NR3C2: variants seen among roughly 807,000 people sequenced by gnomAD.
The protein encoded by NR3C2 is nuclear receptor subfamily 3 group C member 2.
Under a neutral mutation model 86.4 loss-of-function variants are expected in NR3C2, and 15 were observed. That is an observed-to-expected ratio of 0.17 (90% confidence interval 0.12 to 0.27). The LOEUF is 0.27. Among genes scored for constraint, NR3C2 ranks in the 10% least tolerant of loss-of-function variants. NR3C2 has a pLI of 1.00. For missense variants in NR3C2, 960 were observed against 1,195.6 expected (o/e 0.80, Z 2.91); for synonymous variants, 458 against 450.5 (o/e 1.02, Z -0.21).
intron 2 of NR3C2, among the ~76,000 whole-genome samples, chr4:148,410,032 CATG>C (rs1469055556): frequency 2.0e-5 from 3 of 152,008 alleles, no homozygotes; most frequent in African/African-American, 4.8e-5. Context: ...TACCATTATA[CATG>C]ATGTTTTCTA....
intron 8 of NR3C2, among the ~76,000 whole-genome samples, chr4:148,089,347 C>G (rs1342682812): frequency 6.6e-6 from 1 of 152,226 alleles, no homozygotes; most frequent in Non-Finnish European, 1.5e-5. Flanking sequence ...CACACACATG[C>G]TATGCCGCAG....
At chr4:148,325,887 A>T (rs1213886299) in intron 2 of NR3C2, among the ~76,000 whole-genome samples, 2 of 152,204 alleles carry the variant, frequency 1.3e-5, no homozygotes, top group African/African-American at 2.4e-5. Context: ...ATACACACAG[A>T]CGTGTGCTAG....
At chr4:148,277,934 C>T (rs529352892) in intron 2 of NR3C2, among the ~76,000 whole-genome samples, 12 of 152,166 alleles carry the variant, frequency 7.9e-5, no homozygotes, top group South Asian at 2.1e-4. Flanking sequence ...ATGTGAGTCA[C>T]GAAATGAATT....
In NR3C2 at chr4:148,436,623, G is replaced by A; in HGVS notation, c.238C>T (p.Arg80Trp). The change falls in exon 2 of 9, where the codon CGG becomes TGG. Residue 80 changes from arginine to tryptophan, a missense_variant. Physicochemically the swap from Arg to Trp is moderately radical, Grantham distance 101. Transcript: ENST00000358102. ...LLPCLQQDNN[R>W]PGILTSDIKT... ...ATATCAGATGTTAAAATCCCAGGCC[G>A]ATTATTGTCTTGCTGAAGGCAAGGG... The A allele has an allele frequency of 1.9e-6, 3 of 1,614,132 alleles. No homozygotes were observed. The highest frequency in any genetic ancestry group is 2.2e-5 in the South Asian group (2 of 91,070).
chr4:148,140,450 C>T (rs1733555229), intron 6 of NR3C2, among the ~76,000 whole-genome samples: 1 of 152,164 alleles, frequency 6.6e-6, no homozygotes, highest in Non-Finnish European at 1.5e-5. Context: ...AGGAGGATTG[C>T]CTGAGCCCAG....
chr4:148,162,776 C>T (rs1734721300), intron 4 of NR3C2, among the ~76,000 whole-genome samples: 1 of 152,112 alleles, frequency 6.6e-6, no homozygotes, highest in Admixed American at 6.5e-5. Context: ...TGCCTCCCTG[C>T]CAGGGTGGGT....
chr4:148,204,600 C>A (rs193035286), intron 3 of NR3C2, among the ~76,000 whole-genome samples: 1 of 152,256 alleles, frequency 6.6e-6, no homozygotes, highest in Admixed American at 6.5e-5. Flanking sequence ...TTCATTACAG[C>A]ACTTACTCTG....
chr4:148,104,523 A>G (rs1229960832), intron 8 of NR3C2, among the ~76,000 whole-genome samples: 1 of 152,088 alleles, frequency 6.6e-6, no homozygotes, highest in Non-Finnish European at 1.5e-5. Flanking sequence ...CAATTATAAT[A>G]AATAGTTTAG....
At chr4:148,417,094 G>A (rs1028000733) in intron 2 of NR3C2, among the ~76,000 whole-genome samples, 1 of 152,012 alleles carries the variant, frequency 6.6e-6, no homozygotes, top group Non-Finnish European at 1.5e-5. Flanking sequence ...GTTTTTCTAT[G>A]AGCTGCCTGT....
At chr4:148,194,238 A>G (rs1403605212) in intron 4 of NR3C2, among the ~76,000 whole-genome samples, 2 of 152,146 alleles carry the variant, frequency 1.3e-5, no homozygotes, top group Non-Finnish European at 2.9e-5. Context: ...CTTCCTATCC[A>G]TGGATGTTGT....
intron 2 of NR3C2, among the ~76,000 whole-genome samples, chr4:148,265,735 G>A (rs1243330967): frequency 6.6e-6 from 1 of 152,032 alleles, no homozygotes; most frequent in Non-Finnish European, 1.5e-5. Flanking sequence ...ACCTATCTTA[G>A]AGCACAGCGA....
rs72646903 is a variant in NR3C2 at position 148,440,785 on chromosome 4, A to C, written c.-3+1375T>G. ...GTTAAATTGCCCTTTTCCATAAAGAAGTACTTTTTTCGGGAATATTAACAA... is the reference window on the plus strand; with the variant it reads ...GTTAAATTGCCCTTTTCCATAAAGACGTACTTTTTTCGGGAATATTAACAA... On this transcript the variant is annotated intron_variant, in intron 1 of 8. Coordinates refer to ENST00000358102, the MANE Select transcript of NR3C2 (RefSeq NM_000901.5). Among the ~76,000 whole-genome samples the C allele has an allele frequency of 2.8e-3, 432 of 152,354 alleles. 3 individuals carry two copies. Among genetic ancestry groups the C allele is most frequent in the African/African-American group, 9.8e-3 (409 of 41,592 alleles).
At chr4:148,432,698 T>C (rs1749848818) in intron 2 of NR3C2, among the ~76,000 whole-genome samples, 1 of 152,172 alleles carries the variant, frequency 6.6e-6, no homozygotes, top group Non-Finnish European at 1.5e-5. Flanking sequence ...ATCATCATAT[T>C]TTAAGAAATA....
At chr4:148,221,315 T>C (rs1737828316) in intron 3 of NR3C2, among the ~76,000 whole-genome samples, 2 of 152,234 alleles carry the variant, frequency 1.3e-5, no homozygotes, top group Non-Finnish European at 2.9e-5. Flanking sequence ...CTTTATAAAG[T>C]CACATAAAGT....
At chr4:148,218,772 G>A (rs1737680840) in intron 3 of NR3C2, among the ~76,000 whole-genome samples, 1 of 152,154 alleles carries the variant, frequency 6.6e-6, no homozygotes, top group Non-Finnish European at 1.5e-5. Context: ...ATAATATGGA[G>A]TATTTTGTTT....
At chr4:148,130,251 G>A (rs1034173534) in intron 6 of NR3C2, among the ~76,000 whole-genome samples, 14 of 152,056 alleles carry the variant, frequency 9.2e-5, no homozygotes, top group African/African-American at 3.4e-4. Flanking sequence ...CTCTTTCCAC[G>A]AACTCACATT....
Position 148,436,569 on chromosome 4 carries a change from A to G in NR3C2, c.292T>C (p.Ser98Pro). ...CCCATGGACTCAGCTACAGTTGCTG[A>G]AAGTTCCTTAGATTCCAGCTCAGTT... is the stretch of plus-strand genomic sequence containing the variant. ...IKTELESKEL[S>P]ATVAESMGLY... Residue 98 changes from serine (S) to proline (P), a missense_variant, in exon 2 of 9, where the codon TCA becomes CCA. Physicochemically the swap from Ser to Pro is moderately conservative, Grantham distance 74. Around this residue, in one of 4 missense-constraint regions of NR3C2, gnomAD observed 680 missense variants for 719.0 expected, o/e 0.95. Coordinates refer to ENST00000358102, the MANE Select transcript of NR3C2 (RefSeq NM_000901.5). The G allele has an allele frequency of 6.2e-7, 1 of 1,614,230 alleles. No individual in the cohort carries two copies. Among genetic ancestry groups the G allele is most frequent in the South Asian group, 1.1e-5 (1 of 91,088 alleles).
intron 8 of NR3C2, among the ~76,000 whole-genome samples, chr4:148,098,208 T>G (rs2149714732): frequency 6.6e-6 from 1 of 152,338 alleles, no homozygotes; most frequent in South Asian, 2.1e-4. Context: ...GGTCGCAACT[T>G]TTTCAACAAA....
At chr4:148,317,755 G>A (rs1488758885) in intron 2 of NR3C2, among the ~76,000 whole-genome samples, 1 of 121,132 alleles carries the variant, frequency 8.3e-6, no homozygotes. Flanking sequence ...AAACCTAATA[G>A]ATCTGCAGAA....
Sources: allele counts gnomAD v4.1 joint callset (sites outside exome capture counted in the v4.1 genomes callset), GRCh38; gene constraint gnomAD v4.1.1; regional missense constraint gnomAD v4.1.1; transcripts MANE v1.5; gene names NCBI Gene and HGNC (gene_info 2026-07-23, HGNC 2026-07-21).